SEMA3D: variants seen among roughly 807,000 people sequenced by gnomAD.
SEMA3D encodes the protein semaphorin 3D, also known as semaphorin-3D.
A neutral mutation model predicts 100.1 loss-of-function variants in SEMA3D; 84 were observed. The observed-to-expected ratio is 0.84, with a 90% CI of 0.70 to 1.01. SEMA3D has a LOEUF of 1.01. Among genes scored for constraint, SEMA3D ranks in the 50% least tolerant of loss-of-function variants. The pLI, the probability that SEMA3D is intolerant of heterozygous loss-of-function variation, is 0.00. For synonymous variants in SEMA3D, 312 were observed against 320.7 expected (o/e 0.97, Z 0.29); for missense variants, 875 against 934.1 (o/e 0.94, Z 0.82).
chr7:85,224,532 A>G, the SEMA3D span, among the ~76,000 whole-genome samples: 2 of 152,080 alleles, frequency 1.3e-5, no homozygotes, highest in African/African-American at 4.8e-5. Context: ...GAGGTCAAAA[A>G]AAGTTGTGTA....
At chr7:85,138,002 T>C (rs1173662782) in intron 2 of SEMA3D, among the ~76,000 whole-genome samples, 2 of 152,132 alleles carry the variant, frequency 1.3e-5, no homozygotes, top group African/African-American at 4.8e-5. Context: ...TTCTTGCATA[T>C]GGCCTGAATT....
rs149191627 is a variant in SEMA3D at position 84,999,734 on chromosome 7, A to T, written c.2040T>A (p.Thr680=). The T allele has an allele frequency of 1.1e-4, 174 of 1,613,926 alleles. No homozygotes were observed. Among genetic ancestry groups the T allele is most frequent in the Non-Finnish European group, 1.4e-4 (170 of 1,180,020 alleles). Residue 680 remains threonine (T), a synonymous_variant, in exon 19 of 19, where the codon ACT becomes ACA. Coordinates refer to ENST00000284136, the MANE Select transcript of SEMA3D (RefSeq NM_001384900.1). The part of the protein sequence containing the change: ...HTFIHTIVKL[T]LNVIENEQME... ...TCTGTTCATTCTCAATGACATTCAA[A>T]GTCAGCTTCACTATGGTGTGGATGA...
chr7:85,074,361 C>A (rs1791861983), intron 5 of SEMA3D, among the ~76,000 whole-genome samples: 1 of 152,146 alleles, frequency 6.6e-6, no homozygotes, highest in African/African-American at 2.4e-5. Flanking sequence ...AAATAAAAAA[C>A]CCAACAATAG....
the SEMA3D span, among the ~76,000 whole-genome samples, chr7:85,248,193 T>G: frequency 6.6e-6 from 1 of 152,188 alleles, no homozygotes; most frequent in Non-Finnish European, 1.5e-5. Context: ...CCCAAGAAGA[T>G]ATACACAGAG....
chr7:85,080,668 G>T (rs1388866259), intron 5 of SEMA3D, among the ~76,000 whole-genome samples: 2 of 152,110 alleles, frequency 1.3e-5, no homozygotes, highest in Non-Finnish European at 2.9e-5. Flanking sequence ...TTACCATAAT[G>T]CAAGAAGTCA....
intron 8 of SEMA3D, among the ~76,000 whole-genome samples, chr7:85,064,862 A>C (rs1791572651): frequency 6.6e-6 from 1 of 152,188 alleles, no homozygotes; most frequent in Admixed American, 6.5e-5. Context: ...TTAAAATAGT[A>C]ATCAGACAAA....
intron 1 of SEMA3D, among the ~76,000 whole-genome samples, chr7:85,165,039 C>G (rs1217618664): frequency 3.4e-5 from 5 of 148,734 alleles, no homozygotes; most frequent in African/African-American, 1.2e-4. Flanking sequence ...TGTTCCCCTT[C>G]CTGTGTCCCT....
chr7:85,006,280 G>A (rs1000851650), intron 18 of SEMA3D, among the ~76,000 whole-genome samples: 1 of 151,944 alleles, frequency 6.6e-6, no homozygotes, highest in Non-Finnish European at 1.5e-5. Flanking sequence ...TTCAACTCAA[G>A]ATATGCAGTT....
intron 14 of SEMA3D, among the ~76,000 whole-genome samples, chr7:85,019,242 T>G (rs1486253964): frequency 6.6e-6 from 1 of 151,806 alleles, no homozygotes; most frequent in African/African-American, 2.4e-5. Context: ...GACCACTGTC[T>G]AACACCATTG....
chr7:85,214,365 G>A, the SEMA3D span, among the ~76,000 whole-genome samples: 1 of 152,092 alleles, frequency 6.6e-6, no homozygotes, highest in African/African-American at 2.4e-5. Flanking sequence ...TGTACCTAGA[G>A]TGACATCTCT....
the SEMA3D span, among the ~76,000 whole-genome samples, chr7:85,204,910 A>C: frequency 5.9e-5 from 9 of 152,124 alleles, no homozygotes; most frequent in Non-Finnish European, 1.3e-4. Context: ...AAATATCCTA[A>C]TAAATAGTAA....
chr7:85,162,215 A>G (rs1562840775), intron 1 of SEMA3D, among the ~76,000 whole-genome samples: 1 of 152,144 alleles, frequency 6.6e-6, no homozygotes, highest in Non-Finnish European at 1.5e-5. Context: ...GGCTAACAAC[A>G]GCAAAGACCT....
chr7:85,006,682 A>G, intron 18 of SEMA3D, 120 bp downstream of exon 18: 5 of 793,560 alleles, frequency 6.3e-6, no homozygotes, highest in Non-Finnish European at 9.1e-6. Flanking sequence ...TAGTGAGTAA[A>G]ACCTGTTATT....
At chr7:85,103,107 G>A (rs959172001) in intron 3 of SEMA3D, among the ~76,000 whole-genome samples, 2 of 152,002 alleles carry the variant, frequency 1.3e-5, no homozygotes, top group Non-Finnish European at 2.9e-5. Flanking sequence ...ACAGGGATTG[G>A]AACAAGTTCC....
At chr7:85,113,204 A>G (rs572695288) in intron 3 of SEMA3D, among the ~76,000 whole-genome samples, 24 of 152,342 alleles carry the variant, frequency 1.6e-4, no homozygotes, top group Admixed American at 1.5e-3. Context: ...TTGTAGGACA[A>G]TATTTATAGT....
intron 2 of SEMA3D, among the ~76,000 whole-genome samples, chr7:85,150,393 TA>T (rs1790342116): frequency 7.2e-6 from 1 of 139,396 alleles, no homozygotes; most frequent in African/African-American, 2.6e-5. Context: ...CACACACATA[TA>T]TTTACAGGGA....
the SEMA3D span, among the ~76,000 whole-genome samples, chr7:85,195,569 C>G: frequency 3.3e-5 from 5 of 152,110 alleles, no homozygotes; most frequent in African/African-American, 4.8e-5. Context: ...CTTCTCACCT[C>G]AGTCTCCTGA....
At chr7:85,144,465 T>A (rs1246363021) in intron 2 of SEMA3D, 1 of 979,780 alleles carries the variant, frequency 1.0e-6, no homozygotes, top group South Asian at 4.7e-5. Context: ...AGGTAGAAAA[T>A]ATATTTTATG....
intron 13 of SEMA3D, among the ~76,000 whole-genome samples, chr7:85,021,319 TG>T (rs1790248224): frequency 6.6e-6 from 1 of 151,836 alleles, no homozygotes; most frequent in Non-Finnish European, 1.5e-5. Context: ...TGCAGTGAAC[TG>T]TTGAACACCT....
Sources: gnomAD v4.1 joint callset for allele counts (sites outside exome capture counted in the v4.1 genomes callset) on GRCh38, gnomAD v4.1.1 for gene constraint, MANE v1.5 for transcripts, NCBI Gene and HGNC (gene_info 2026-07-23, HGNC 2026-07-21) for gene names.